The following GRIA4 variants were observed in gnomAD, a reference collection of about 807,000 sequenced individuals.
The protein encoded by GRIA4 is glutamate receptor 4.
GRIA4 carries 34 observed loss-of-function variants against 104.0 expected under a neutral mutation model. The ratio of observed to expected loss-of-function variants is 0.33; its 90% CI spans 0.25 to 0.44. The LOEUF (loss-of-function observed/expected upper bound fraction) is 0.44, where lower values mean the gene tolerates loss of function less well. Ranked by LOEUF, GRIA4 falls within the 20% of genes least tolerant of loss-of-function variation. The pLI, the probability that GRIA4 is intolerant of heterozygous loss-of-function variation, is 1.00. For synonymous variants in GRIA4, 386 were observed against 381.9 expected (o/e 1.01, Z -0.13); for missense variants, 750 against 1,096.5 (o/e 0.68, Z 4.46).
At chr11:105,653,036 C>T (rs1213617814) in intron 3 of GRIA4, among the ~76,000 whole-genome samples, 1 of 152,096 alleles carries the variant, frequency 6.6e-6, no homozygotes, top group Admixed American at 6.5e-5. Context: ...CTCAGCCTCC[C>T]GAGTAGCTGG....
chr11:105,688,640 A>C (rs992259684), intron 3 of GRIA4, among the ~76,000 whole-genome samples: 2 of 152,222 alleles, frequency 1.3e-5, no homozygotes, highest in African/African-American at 2.4e-5. Flanking sequence ...ATATATATTA[A>C]GCTACTAATA....
chr11:105,789,210 T>C (rs1240459063), intron 4 of GRIA4, among the ~76,000 whole-genome samples: 1 of 152,046 alleles, frequency 6.6e-6, no homozygotes, highest in African/African-American at 2.4e-5. Context: ...AAAAACAACT[T>C]AAGATGTTAA....
chr11:105,646,252 GT>G (rs1440836948), intron 3 of GRIA4, among the ~76,000 whole-genome samples: 3 of 152,178 alleles, frequency 2.0e-5, no homozygotes, highest in Admixed American at 2.0e-4. Context: ...ACAAAACTTA[GT>G]AGGAAATTTA....
chr11:105,915,141 A>G (rs772402387), intron 10 of GRIA4, among the ~76,000 whole-genome samples: 1 of 152,190 alleles, frequency 6.6e-6, no homozygotes, highest in Non-Finnish European at 1.5e-5. Flanking sequence ...ACCATGGGAG[A>G]CATCGTTCAA....
intron 4 of GRIA4, among the ~76,000 whole-genome samples, chr11:105,756,481 C>A (rs1019890744): frequency 6.6e-6 from 1 of 151,942 alleles, no homozygotes; most frequent in African/African-American, 2.4e-5. Context: ...TTATTAAAAG[C>A]AAAATTAGAA....
chr11:105,732,718 GA>G (rs1334751034), intron 3 of GRIA4, among the ~76,000 whole-genome samples: 1 of 152,152 alleles, frequency 6.6e-6, no homozygotes, highest in African/African-American at 2.4e-5. Context: ...AGTAGATTTG[GA>G]GCTGAGAGGC....
At chr11:105,722,303 T>G (rs610453) in intron 3 of GRIA4, among the ~76,000 whole-genome samples, 149,966 of 152,246 alleles carry the variant, frequency 0.99, 73,870 homozygotes, top group East Asian at 1. Flanking sequence ...AGCTTATTGT[T>G]ATGTAGGCTC....
chr11:105,648,745 T>G (rs1316735150), intron 3 of GRIA4, among the ~76,000 whole-genome samples: 1 of 152,228 alleles, frequency 6.6e-6, no homozygotes, highest in East Asian at 1.9e-4. Flanking sequence ...GGCCTATGCC[T>G]GATAACTCAT....
At position 105,952,826 on chromosome 11, in the gene GRIA4, C is replaced by A. The variant is rs1006883353; in HGVS notation, c.2294+18857C>A. 1.6e-4 allele frequency among the ~76,000 whole-genome samples: 24 copies of A among 152,246 alleles called. No homozygotes were observed. In the East Asian group the frequency reaches 4.2e-3, roughly 27 times the overall value. On this transcript the variant is annotated intron_variant, in intron 14 of 16. Coordinates refer to ENST00000282499, the MANE Select transcript of GRIA4 (RefSeq NM_000829.4). ...ATCATGCTGGGTCTGAATTGTCTTTCCACTTACAAAAATTTTTCTCTCCTT... is the reference window on the plus strand; with the variant it reads ...ATCATGCTGGGTCTGAATTGTCTTTACACTTACAAAAATTTTTCTCTCCTT...
At chr11:105,908,573 CT>C (rs5794434) in intron 9 of GRIA4, among the ~76,000 whole-genome samples, 14,188 of 135,706 alleles carry the variant, frequency 0.1, 793 homozygotes, top group African/African-American at 0.16. Flanking sequence ...ATGACTTTCT[CT>C]TTTTTTTTTT....
At chr11:105,953,236 T>A (rs892776502) in intron 14 of GRIA4, among the ~76,000 whole-genome samples, 1 of 152,244 alleles carries the variant, frequency 6.6e-6, no homozygotes, top group Non-Finnish European at 1.5e-5. Flanking sequence ...TCTTCATCAT[T>A]TGACAGCCTA....
At chr11:105,720,086 G>A (rs1199226077) in intron 3 of GRIA4, among the ~76,000 whole-genome samples, 1 of 150,934 alleles carries the variant, frequency 6.6e-6, no homozygotes, top group Non-Finnish European at 1.5e-5. Flanking sequence ...GTAAAAATGT[G>A]TCAATATGCC....
chr11:105,753,319 C>A, intron 4 of GRIA4, 99 bp downstream of exon 4: 1 of 1,052,784 alleles, frequency 9.5e-7, no homozygotes, highest in South Asian at 1.4e-5. Context: ...TGATCTCTAA[C>A]ATCACTAAAA....
At chr11:105,775,945 A>G (rs1019042373) in intron 4 of GRIA4, among the ~76,000 whole-genome samples, 1 of 151,994 alleles carries the variant, frequency 6.6e-6, no homozygotes, top group African/African-American at 2.4e-5. Flanking sequence ...GTTGTTAAAA[A>G]AAATCTGAAA....
intron 13 of GRIA4, among the ~76,000 whole-genome samples, chr11:105,931,316 CATGAG>C (rs1332358053): frequency 2.0e-5 from 3 of 151,010 alleles, no homozygotes; most frequent in East Asian, 1.9e-4. Flanking sequence ...ATCTTCATAT[CATGAG>C]ATATTTTTTC....
At chr11:105,731,104 G>A (rs1329372357) in intron 3 of GRIA4, among the ~76,000 whole-genome samples, 1 of 152,080 alleles carries the variant, frequency 6.6e-6, no homozygotes, top group East Asian at 1.9e-4. Context: ...TACAGAATGG[G>A]AGAAAATTTT....
intron 4 of GRIA4, among the ~76,000 whole-genome samples, chr11:105,834,453 T>C (rs1944101069): frequency 6.6e-6 from 1 of 152,058 alleles, no homozygotes. Context: ...ATTACATGAG[T>C]ACAGCCTCAC....
chr11:105,907,906 T>C (rs1383529561), intron 9 of GRIA4, among the ~76,000 whole-genome samples: 1 of 152,138 alleles, frequency 6.6e-6, no homozygotes, highest in Non-Finnish European at 1.5e-5. Context: ...CCAAAATTCC[T>C]GCAGCTCAAA....
intron 4 of GRIA4, among the ~76,000 whole-genome samples, chr11:105,831,381 G>A (rs1033669596): frequency 6.6e-6 from 1 of 151,976 alleles, no homozygotes; most frequent in Non-Finnish European, 1.5e-5. Context: ...CTAGTCACAA[G>A]GCCAGTGCAG....
Sources: allele counts gnomAD v4.1 joint callset (sites outside exome capture counted in the v4.1 genomes callset), GRCh38; gene constraint gnomAD v4.1.1; transcripts MANE v1.5; gene names NCBI Gene and HGNC (gene_info 2026-07-23, HGNC 2026-07-21).